The following RAP1GAP variants were observed in gnomAD, a reference collection of about 807,000 sequenced individuals.
RAP1GAP encodes rap1 GTPase-activating protein 1.
RAP1GAP carries 35 observed loss-of-function variants against 87.2 expected under a neutral mutation model. That is an observed-to-expected ratio of 0.40 (90% CI 0.31 to 0.53). The LOEUF (loss-of-function observed/expected upper bound fraction) is 0.53. Among genes scored for constraint, RAP1GAP ranks in the 20% least tolerant of loss-of-function variants. RAP1GAP has a pLI of 0.48. For missense variants in RAP1GAP, 734 were observed against 898.9 expected, an observed-to-expected ratio of 0.82 and a Z score of 2.35; for synonymous variants, 375 against 363.9, an observed-to-expected ratio of 1.03 and a Z score of -0.35.
intron 2 of RAP1GAP, among the ~76,000 whole-genome samples, chr1:21,631,241 C>T (rs142580254): frequency 1.7e-4 from 26 of 152,318 alleles, no homozygotes; most frequent in Middle Eastern, 3.4e-3. Context: ...TCCTCCTGGG[C>T]GGCAGCAGCT....
At chr1:21,648,835 G>T (rs1020371300) in intron 2 of RAP1GAP, among the ~76,000 whole-genome samples, 1 of 152,166 alleles carries the variant, frequency 6.6e-6, no homozygotes, top group Non-Finnish European at 1.5e-5. Flanking sequence ...AAATAGAAAG[G>T]CAGGCTGGGA....
chr1:21,624,665 G>A (rs1166746918), intron 3 of RAP1GAP, among the ~76,000 whole-genome samples: 1 of 152,196 alleles, frequency 6.6e-6, no homozygotes, highest in African/African-American at 2.4e-5. Flanking sequence ...ATTCTGAGGT[G>A]GGGGTGGGCT....
At chr1:21,627,164 G>A (rs1031954682) in intron 2 of RAP1GAP, among the ~76,000 whole-genome samples, 2 of 152,206 alleles carry the variant, frequency 1.3e-5, no homozygotes, top group East Asian at 1.9e-4. Flanking sequence ...AGTGGTTCCC[G>A]GGATCCTGGG....
chr1:21,600,754 G>A (rs1028668058), intron 20 of RAP1GAP, among the ~76,000 whole-genome samples: 2 of 151,824 alleles, frequency 1.3e-5, no homozygotes, highest in African/African-American at 2.4e-5. Flanking sequence ...GCATGGTGGC[G>A]GGCACCTGTA....
chr1:21,609,581 G>A lies in RAP1GAP; in HGVS notation c.1065C>T (p.Phe355=). 1 of 1,560,208 alleles carries A rather than the reference G, an allele frequency of 6.4e-7. No individual in the cohort carries two copies. Among genetic ancestry groups the A allele is most frequent in the Non-Finnish European group, 8.7e-7 (1 of 1,152,562 alleles). The change falls in exon 15 of 25, where the codon TTC becomes TTT. Residue 355 remains phenylalanine (F), a synonymous_variant. Transcript: ENST00000374765. The surrounding 1 kb of genome is among the most constrained non-coding windows in gnomAD (Gnocchi z 4.4). ...CTGGGGGGGTGCCCCTCACCTTCCT[G>A]AACACAGCGGGGTCCGGGAGGGGGG... ...FGPPLPDPAV[F]RKGPEFQEFL...
At chr1:21,630,959 G>A (rs2093606522) in intron 2 of RAP1GAP, among the ~76,000 whole-genome samples, 1 of 151,894 alleles carries the variant, frequency 6.6e-6, no homozygotes, top group Admixed American at 6.6e-5. Context: ...TTCCTCACCA[G>A]CTCGCCCATC....
At chr1:21,652,116 G>A (rs947067119) in intron 1 of RAP1GAP, among the ~76,000 whole-genome samples, 5 of 17,980 alleles carry the variant, frequency 2.8e-4, no homozygotes, top group Admixed American at 9.9e-4. Context: ...CCCCCTTCCC[G>A]GCCGCCGCCC....
chr1:21,618,493 C>A (rs1235677380), intron 5 of RAP1GAP, among the ~76,000 whole-genome samples: 2 of 152,158 alleles, frequency 1.3e-5, no homozygotes, highest in African/African-American at 2.4e-5. Flanking sequence ...AGAGCCTCCC[C>A]CTCATCTCGC....
Position 21,616,136 on chromosome 1 carries a change from A to AACACACACACAC in RAP1GAP, c.291+1158_291+1169dup, listed in dbSNP as rs58644324. 4.4e-4 allele frequency among the ~76,000 whole-genome samples: 56 copies of AACACACACACAC among 126,890 alleles called. 1 individual carries two copies. Among genetic ancestry groups the AACACACACACAC allele is most frequent in the African/African-American group, 1.6e-3 (52 of 32,954 alleles). 83.2% of individuals were successfully genotyped at this position (126,890 alleles called of 152,430 possible). Reference sequence around the variant, plus strand: ...CCCCAAGGAGTCACCCCCTCTTCCCAACACACACACACACACACACACACA... The same window carrying AACACACACACAC: ...CCCCAAGGAGTCACCCCCTCTTCCCAACACACACACACACACACACACACACACACACACACA... On this transcript the variant is annotated intron_variant, in intron 7 of 24. Coordinates refer to ENST00000374765, the MANE Select transcript of RAP1GAP (RefSeq NM_002885.4).
At chr1:21,612,217 T>C (rs2078846381) in intron 10 of RAP1GAP, 108 bp from the exon 11 acceptor site, 4 of 844,760 alleles carry the variant, frequency 4.7e-6, no homozygotes, top group Non-Finnish European at 7.9e-6. Context: ...CGTCACGTCA[T>C]GTGATTCTCA....
chr1:21,601,198 C>T (rs1018734157), intron 20 of RAP1GAP, among the ~76,000 whole-genome samples: 2 of 152,098 alleles, frequency 1.3e-5, no homozygotes, highest in Non-Finnish European at 2.9e-5. Flanking sequence ...TCCCAGCCAC[C>T]CTTCTTTCTG....
Position 21,669,122 on chromosome 1 carries a change from TC to T in RAP1GAP, c.-149+131del. The T allele has an allele frequency of 1.0e-6, 1 of 994,872 alleles. No homozygotes were observed. The highest frequency in any genetic ancestry group is 1.3e-6 in the Non-Finnish European group (1 of 785,888). 61.6% of individuals were successfully genotyped at this position (994,872 alleles called of 1,614,324 possible). Reference sequence around the variant, plus strand: ...CACCCCTCGCCCCTGGAGACCCGGGTCCCCCACGCGTTCGCCCCCACCCTCC... The same window carrying T: ...CACCCCTCGCCCCTGGAGACCCGGGTCCCCACGCGTTCGCCCCCACCCTCC... On this transcript the variant is annotated intron_variant, in intron 1 of 24. Coordinates refer to ENST00000374765, the MANE Select transcript of RAP1GAP (RefSeq NM_002885.4). The surrounding 1 kb of genome is among the most constrained non-coding windows in gnomAD (Gnocchi z 5.6).
chr1:21,654,919 T>C (rs960906499), intron 1 of RAP1GAP, among the ~76,000 whole-genome samples: 4 of 152,086 alleles, frequency 2.6e-5, no homozygotes, highest in African/African-American at 9.7e-5. Flanking sequence ...GTCGGGTAGA[T>C]CACTTGAAGT....
At chr1:21,616,611 C>A (rs2082333130) in intron 7 of RAP1GAP, among the ~76,000 whole-genome samples, 1 of 152,244 alleles carries the variant, frequency 6.6e-6, no homozygotes, top group Non-Finnish European at 1.5e-5. Context: ...GGCCTGCAAC[C>A]TGACACACAC....
intron 19 of RAP1GAP, among the ~76,000 whole-genome samples, chr1:21,602,491 C>T (rs1280521353): frequency 1.3e-5 from 2 of 152,338 alleles, no homozygotes; most frequent in Middle Eastern, 3.4e-3. Context: ...GCGCTGGGGC[C>T]GTGGGAAGAG....
chr1:21,623,689 G>A (rs2090269635), intron 3 of RAP1GAP, among the ~76,000 whole-genome samples: 2 of 152,228 alleles, frequency 1.3e-5, no homozygotes, highest in South Asian at 4.1e-4. Context: ...TCTGGAGATG[G>A]GTGTTCCAGA....
intron 20 of RAP1GAP, among the ~76,000 whole-genome samples, chr1:21,600,386 G>A (rs2067163079): frequency 6.6e-6 from 1 of 152,090 alleles, no homozygotes; most frequent in Non-Finnish European, 1.5e-5. Context: ...TTTAGCCTGG[G>A]CTGAGTCCTC....
Position 21,622,281 on chromosome 1 carries a change from A to T in RAP1GAP, c.-18-2231T>A. ...GGCAGAGCCGGCCGGGCTCCCCAGC[A>T]GTCGGGGTGACCCAGCCCCGGGGTC... On this transcript the variant is annotated intron_variant, in intron 3 of 24. Coordinates refer to ENST00000374765, the MANE Select transcript of RAP1GAP (RefSeq NM_002885.4). The surrounding 1 kb of genome is among the most constrained non-coding windows in gnomAD (Gnocchi z 5.7). The T allele has an allele frequency of 2.1e-6, 1 of 478,438 alleles. No homozygotes were observed. The allele number at this position is 478,438 out of a possible 1,614,324, so 29.6% of individuals were successfully genotyped here. A position where few individuals can be genotyped will look rare whatever the true frequency, so the allele number is the denominator to read the frequency against.
At position 21,622,251 on chromosome 1, in the gene RAP1GAP, G is replaced by A; in HGVS notation, c.-18-2201C>T. 2.5e-6 allele frequency: 1 copy of A among 393,884 alleles called. No individual in the cohort carries two copies. Among genetic ancestry groups the A allele is most frequent in the Non-Finnish European group, 4.6e-6 (1 of 218,962 alleles). The allele number at this position is 393,884 out of a possible 1,614,324, so 24.4% of individuals were successfully genotyped here. A position where few individuals can be genotyped will look rare whatever the true frequency, so the allele number is the denominator to read the frequency against. On this transcript the variant is annotated intron_variant, in intron 3 of 24. Coordinates refer to ENST00000374765, the MANE Select transcript of RAP1GAP (RefSeq NM_002885.4). This position sits in a 1 kb window ranked among gnomAD's most constrained non-coding sequence, Gnocchi z 5.7. Reference sequence around the variant, plus strand: ...GACGGAGCCTTGTCCGCCCGCCCTGGCTGGGGCAGAGCCGGCCGGGCTCCC... The same window carrying A: ...GACGGAGCCTTGTCCGCCCGCCCTGACTGGGGCAGAGCCGGCCGGGCTCCC...
Sources: gnomAD v4.1 joint callset for allele counts (sites outside exome capture counted in the v4.1 genomes callset) on GRCh38, gnomAD v4.1.1 for gene constraint, Gnocchi (gnomAD v3.1) non-coding constraint, MANE v1.5 for transcripts, NCBI Gene and HGNC (gene_info 2026-07-23, HGNC 2026-07-21) for gene names.